The following DMD variants were observed in gnomAD, a reference collection of about 807,000 sequenced individuals.
DMD encodes mutant dystrophin.
Under a neutral mutation model 330.1 loss-of-function variants are expected in DMD, and 63 were observed. The ratio of observed to expected loss-of-function variants is 0.19; its 90% CI spans 0.16 to 0.24. The LOEUF (loss-of-function observed/expected upper bound fraction) is 0.24. Among genes scored for constraint, DMD ranks in the 10% least tolerant of loss-of-function variants. The pLI is 1.00. For missense variants in DMD, 3,344 were observed against 2,684.1 expected (o/e 1.25, Z -5.43); for synonymous variants, 1,223 against 959.8 (o/e 1.27, Z -5.07).
At chrX:32,217,781 A>T (rs2097118607) in intron 43 of DMD, among the ~76,000 whole-genome samples, 1 of 111,788 alleles carries the variant, frequency 8.9e-6, no homozygotes. Context: ...TACAAATAAA[A>T]CTTTAAAAAT....
At chrX:31,702,585 G>A (rs887550566) in intron 52 of DMD, among the ~76,000 whole-genome samples, 35 of 111,337 alleles carry the variant, frequency 3.1e-4, no homozygotes, top group African/African-American at 1.1e-3. Context: ...TCCCTAGATT[G>A]CTTTAGTTAA....
At chrX:31,611,873 A>C (rs1287476737) in intron 55 of DMD, among the ~76,000 whole-genome samples, 1 of 110,911 alleles carries the variant, frequency 9.0e-6, no homozygotes, top group Non-Finnish European at 1.9e-5. Flanking sequence ...TTAGCCTTTA[A>C]ATTTTTTTTA....
At chrX:31,266,329 C>A (rs910841350) in intron 62 of DMD, among the ~76,000 whole-genome samples, 12 of 111,058 alleles carry the variant, frequency 1.1e-4, no homozygotes, top group Admixed American at 2.8e-4. Context: ...AGTTGGAATC[C>A]TCGGAAGAAA....
chrX:31,658,907 G>C (rs2080948194), intron 53 of DMD, among the ~76,000 whole-genome samples: 1 of 111,746 alleles, frequency 8.9e-6, no homozygotes. Flanking sequence ...AGGCTTCTAA[G>C]CATTAAGATA....
intron 7 of DMD, among the ~76,000 whole-genome samples, chrX:32,709,787 T>C (rs1008640997): frequency 8.9e-6 from 1 of 111,827 alleles, no homozygotes; most frequent in Non-Finnish European, 1.9e-5. Flanking sequence ...ATTGATTTCC[T>C]TTACATTGCT....
chrX:32,342,021 CTTTTT>C (rs3833416), intron 41 of DMD, 74 bp downstream of exon 41: 6 of 985,886 alleles, frequency 6.1e-6, no homozygotes, highest in East Asian at 3.4e-5. Context: ...TTTTTTGTCT[CTTTTT>C]TTTTTATTAG....
intron 2 of DMD, among the ~76,000 whole-genome samples, chrX:32,924,082 T>C (rs1181105452): frequency 3.6e-5 from 4 of 111,586 alleles, no homozygotes; most frequent in Non-Finnish European, 5.6e-5. Context: ...ATTAAAGAAG[T>C]CCTTGCTTTC....
Position 31,513,123 on chromosome X carries a change from T to C in DMD, c.8218-5670A>G, listed in dbSNP as rs775462860. On this transcript the variant is annotated intron_variant, in intron 55 of 78. Transcript: ENST00000357033. ...TTGTGAATGGGAGTTCACTCATGAT[T>C]TGGCTCTCTGTTTGTCTGTTGTTGG... Among the ~76,000 whole-genome samples the C allele has an allele frequency of 1.9e-3, 179 of 95,145 alleles. 1 individual carries two copies. The Admixed American group carries it at 0.019, about 10-fold the overall frequency. 82.6% of individuals were successfully genotyped at this position (95,145 alleles called of 115,157 possible). A position where few individuals can be genotyped will look rare whatever the true frequency, so the allele number is the denominator to read the frequency against.
chrX:32,384,601 G>A (rs958599478), intron 33 of DMD, among the ~76,000 whole-genome samples: 11 of 110,684 alleles, frequency 9.9e-5, no homozygotes, highest in African/African-American at 3.6e-4. Context: ...ATTACTTCCA[G>A]ATTTCAACTT....
intron 63 of DMD, among the ~76,000 whole-genome samples, chrX:31,240,829 A>G (rs932096284): frequency 8.9e-6 from 1 of 112,020 alleles, no homozygotes; most frequent in Non-Finnish European, 1.9e-5. Context: ...AAATAAGGAA[A>G]CCAAAGGCCT....
chrX:31,355,134 G>A (rs981536075), intron 60 of DMD, among the ~76,000 whole-genome samples: 21 of 112,350 alleles, frequency 1.9e-4, no homozygotes, highest in African/African-American at 6.5e-4. Flanking sequence ...ATGGCTCTTA[G>A]AAATTATTTC....
At chrX:31,669,841 GAA>G (rs552678406) in intron 53 of DMD, among the ~76,000 whole-genome samples, 1 of 83,154 alleles carries the variant, frequency 1.2e-5, no homozygotes, top group Admixed American at 1.3e-4. Context: ...GTCAATTTCT[GAA>G]AAAAAAAAAA....
intron 30 of DMD, among the ~76,000 whole-genome samples, chrX:32,410,281 C>A (rs1423583567): frequency 9.0e-6 from 1 of 111,330 alleles, no homozygotes; most frequent in African/African-American, 3.3e-5. Flanking sequence ...GGATTCTCCC[C>A]AAAATTCTCT....
At chrX:33,260,892 G>T (rs1448101477) in intron 1 of DMD, among the ~76,000 whole-genome samples, 1 of 111,498 alleles carries the variant, frequency 9.0e-6, no homozygotes, top group Admixed American at 9.6e-5. Context: ...TTGTGGACCT[G>T]TTTTCCAGCT....
chrX:31,462,532 G>T (rs779135089), intron 59 of DMD, among the ~76,000 whole-genome samples: 1 of 111,488 alleles, frequency 9.0e-6, no homozygotes, highest in South Asian at 3.8e-4. Context: ...TCGAGGGCTT[G>T]CTCTCTCTCT....
intron 47 of DMD, among the ~76,000 whole-genome samples, chrX:31,897,143 A>G (rs1312976904): frequency 5.5e-5 from 6 of 109,472 alleles, no homozygotes; most frequent in African/African-American, 2.0e-4. Context: ...TCATTGTTCA[A>G]TTCCCACCTA....
chrX:32,329,874 T>A (rs2097670669), intron 41 of DMD, among the ~76,000 whole-genome samples: 1 of 112,674 alleles, frequency 8.9e-6, no homozygotes, highest in Admixed American at 9.4e-5. Context: ...CTCCAAATTA[T>A]CTGAACATCT....
intron 1 of DMD, among the ~76,000 whole-genome samples, chrX:33,031,746 C>T (rs745987805): frequency 9.1e-6 from 1 of 110,217 alleles, no homozygotes; most frequent in Non-Finnish European, 1.9e-5. Flanking sequence ...ACTCCAGCCC[C>T]GACAGGAGTT....
chrX:32,239,014 T>C (rs948442717), intron 43 of DMD, among the ~76,000 whole-genome samples: 3 of 112,065 alleles, frequency 2.7e-5, no homozygotes, highest in Non-Finnish European at 5.6e-5. Flanking sequence ...TTGGATTACA[T>C]AGAACAAGGT....
Sources: allele counts gnomAD v4.1 joint callset (sites outside exome capture counted in the v4.1 genomes callset), GRCh38; gene constraint gnomAD v4.1.1; transcripts MANE v1.5; gene names NCBI Gene and HGNC (gene_info 2026-07-23, HGNC 2026-07-21).